The following MITF variants were observed in gnomAD, a reference collection of about 807,000 sequenced individuals.
The protein encoded by MITF is microphthalmia-associated transcription factor.
A neutral mutation model predicts 60.5 loss-of-function variants in MITF; 17 were observed. That is an observed-to-expected ratio of 0.28 (90% CI 0.19 to 0.42). The LOEUF is 0.42. MITF is among the 10% of genes least tolerant of loss of function. The probability of loss-of-function intolerance (pLI) is 1.00; values close to 1 mark genes in which losing one functional copy is unlikely to be tolerated. For synonymous variants in MITF, 260 were observed against 248.5 expected, an observed-to-expected ratio of 1.05 and a Z score of -0.43; for missense variants, 622 against 683.5, an observed-to-expected ratio of 0.91 and a Z score of 1.00.
At chr3:69,763,039 A>G (rs1004588150) in intron 1 of MITF, among the ~76,000 whole-genome samples, 11 of 152,190 alleles carry the variant, frequency 7.2e-5, no homozygotes, top group African/African-American at 2.7e-4. Context: ...AACAAAGGAA[A>G]AGGCTTTGAT....
At chr3:69,810,076 C>T (rs193145050) in intron 1 of MITF, among the ~76,000 whole-genome samples, 1 of 152,170 alleles carries the variant, frequency 6.6e-6, no homozygotes, top group African/African-American at 2.4e-5. Flanking sequence ...CTTGTATGTG[C>T]CCTAAGCTGA....
chr3:69,891,772 A>C (rs2064764959), intron 2 of MITF, among the ~76,000 whole-genome samples: 1 of 152,232 alleles, frequency 6.6e-6, no homozygotes, highest in South Asian at 2.1e-4. Context: ...TTTGAGAAGA[A>C]AGGGGAGGAG....
At chr3:69,945,523 A>G (rs1371062302) in intron 5 of MITF, among the ~76,000 whole-genome samples, 1 of 152,214 alleles carries the variant, frequency 6.6e-6, no homozygotes, top group African/African-American at 2.4e-5. Flanking sequence ...TCTAATGCAG[A>G]AGAACCAACT....
intron 9 of MITF, among the ~76,000 whole-genome samples, chr3:69,963,898 A>C (rs1473000793): frequency 6.6e-6 from 1 of 151,526 alleles, no homozygotes; most frequent in Non-Finnish European, 1.5e-5. Flanking sequence ...TGGGGACCTC[A>C]GTGCAAAGCT....
At chr3:69,746,684 G>C (rs1559605754) in intron 1 of MITF, among the ~76,000 whole-genome samples, 1 of 152,210 alleles carries the variant, frequency 6.6e-6, no homozygotes, top group Non-Finnish European at 1.5e-5. Flanking sequence ...ACAAGCTTTT[G>C]ATATTATAAA....
chr3:69,847,761 G>C (rs751870563), intron 1 of MITF, among the ~76,000 whole-genome samples: 1 of 152,198 alleles, frequency 6.6e-6, no homozygotes, highest in Non-Finnish European at 1.5e-5. Flanking sequence ...TGGCTTTTTT[G>C]TGGACTCCTC....
chr3:69,771,843 G>A (rs2062398688), intron 1 of MITF, among the ~76,000 whole-genome samples: 1 of 152,190 alleles, frequency 6.6e-6, no homozygotes, highest in Non-Finnish European at 1.5e-5. Context: ...ATTGGACTGG[G>A]TAGCCTGCCA....
chr3:69,919,246 C>T (rs2065408105), intron 2 of MITF, among the ~76,000 whole-genome samples: 2 of 152,166 alleles, frequency 1.3e-5, no homozygotes, highest in South Asian at 4.1e-4. Context: ...AAAGTAAGAG[C>T]CCATTTAAGT....
At chr3:69,942,439 T>C (rs1324254387) in intron 5 of MITF, among the ~76,000 whole-genome samples, 1 of 152,024 alleles carries the variant, frequency 6.6e-6, no homozygotes, top group Non-Finnish European at 1.5e-5. Context: ...CCTCAGAAAA[T>C]TGAGTCTTAT....
chr3:69,936,495 G>A, intron 2 of MITF: 2 of 949,632 alleles, frequency 2.1e-6, no homozygotes, highest in Non-Finnish European at 2.9e-6. Context: ...AACTCGTAGG[G>A]CTTCCAAAAA....
intron 4 of MITF, among the ~76,000 whole-genome samples, chr3:69,939,635 G>A (rs1390277272): frequency 6.6e-6 from 1 of 151,740 alleles, no homozygotes; most frequent in Non-Finnish European, 1.5e-5. Context: ...AATAACTAAA[G>A]TTTCTTCTAC....
chr3:69,786,423 G>A (rs1369231091), intron 1 of MITF, among the ~76,000 whole-genome samples: 1 of 152,006 alleles, frequency 6.6e-6, no homozygotes, highest in Admixed American at 6.5e-5. Flanking sequence ...GAAGTTCAAG[G>A]TCTTCATAAT....
chr3:69,840,882 A>C (rs1240262662), intron 1 of MITF, among the ~76,000 whole-genome samples: 1 of 151,546 alleles, frequency 6.6e-6, no homozygotes, highest in East Asian at 2.0e-4. Context: ...CACCCTTCCG[A>C]GTAACTGGGA....
At chr3:69,964,260 G>T (rs1378560772) in intron 9 of MITF, among the ~76,000 whole-genome samples, 3 of 151,870 alleles carry the variant, frequency 2.0e-5, no homozygotes, top group Non-Finnish European at 4.4e-5. Context: ...TCTTTTATCA[G>T]CTCGCATTTA....
intron 1 of MITF, among the ~76,000 whole-genome samples, chr3:69,785,766 G>C (rs1439944916): frequency 6.6e-6 from 1 of 152,122 alleles, no homozygotes; most frequent in African/African-American, 2.4e-5. Context: ...ATGGCCTTTT[G>C]CCTGAGACCA....
rs375974443 is a variant in MITF, at chr3:69,964,963, C to T, written c.1296C>T (p.Ser432=). 6 of 1,614,094 alleles carry T rather than the reference C, an allele frequency of 3.7e-6. No homozygotes were observed. ...IKQEPVLENC[S]QDLLQHHADL... ...AAGAACCCGTTCTTGAGAACTGCAGCCAAGACCTCCTTCAGCATCATGCAG... is the reference window on the plus strand; with the variant it reads ...AAGAACCCGTTCTTGAGAACTGCAGTCAAGACCTCCTTCAGCATCATGCAG... The change falls in exon 10 of 10, where the codon AGC becomes AGT. Residue 432 remains serine (S), a synonymous_variant. Transcript: ENST00000352241.
chr3:69,900,272 G>C (rs985913253), intron 2 of MITF, among the ~76,000 whole-genome samples: 1 of 151,912 alleles, frequency 6.6e-6, no homozygotes, highest in African/African-American at 2.4e-5. Flanking sequence ...TGTTGCAGCC[G>C]GTTTATTTTT....
chr3:69,946,166 C>T (rs2066090292), intron 5 of MITF, among the ~76,000 whole-genome samples: 2 of 152,020 alleles, frequency 1.3e-5, no homozygotes, highest in Admixed American at 1.3e-4. Context: ...CTTATAAGAC[C>T]CCTGTGAGAA....
chr3:69,864,537 A>G (rs1462823597), intron 1 of MITF, among the ~76,000 whole-genome samples: 1 of 152,170 alleles, frequency 6.6e-6, no homozygotes, highest in Non-Finnish European at 1.5e-5. Flanking sequence ...TACCAGGACT[A>G]TTGCAGTAGC....
Sources: allele counts gnomAD v4.1 joint callset (sites outside exome capture counted in the v4.1 genomes callset), GRCh38; gene constraint gnomAD v4.1.1; transcripts MANE v1.5; gene names NCBI Gene and HGNC (gene_info 2026-07-23, HGNC 2026-07-21).